PITPNB: variants seen among roughly 807,000 people sequenced by gnomAD.
PITPNB encodes the protein phosphatidylinositol transfer protein beta.
In PITPNB, 16 loss-of-function variants were observed where a neutral mutation model predicts 45.9. That is an observed-to-expected ratio of 0.35 (90% CI 0.24 to 0.53). The LOEUF is 0.53. Ranked by LOEUF, PITPNB falls within the 20% of genes least tolerant of loss-of-function variation. The pLI is 0.93. For missense variants in PITPNB, 188 were observed against 330.5 expected (o/e 0.57, Z 3.34); for synonymous variants, 112 against 108.9 (o/e 1.03, Z -0.18).
At chr22:27,875,150 A>G (rs973540294) in intron 7 of PITPNB, among the ~76,000 whole-genome samples, 1 of 152,258 alleles carries the variant, frequency 6.6e-6, no homozygotes, top group African/African-American at 2.4e-5. Flanking sequence ...AACTTTAAAG[A>G]AAGATAAGTC....
intron 7 of PITPNB, among the ~76,000 whole-genome samples, chr22:27,891,439 A>C (rs1935275875): frequency 6.6e-6 from 1 of 152,232 alleles, no homozygotes; most frequent in African/African-American, 2.4e-5. Context: ...ACTGGAGCTA[A>C]TAATAATGAT....
At chr22:27,854,599 T>G (rs1031201587) in intron 11 of PITPNB, among the ~76,000 whole-genome samples, 14 of 152,184 alleles carry the variant, frequency 9.2e-5, no homozygotes, top group Non-Finnish European at 1.3e-4. Flanking sequence ...ACATGATGAG[T>G]AACAGCACCT....
chr22:27,875,665 C>T (rs1934800804), intron 7 of PITPNB, among the ~76,000 whole-genome samples: 1 of 152,170 alleles, frequency 6.6e-6, no homozygotes, highest in South Asian at 2.1e-4. Flanking sequence ...AAGTATTTAA[C>T]ATTGTATCAA....
chr22:27,890,109 G>C (rs1433010117), intron 7 of PITPNB, among the ~76,000 whole-genome samples: 1 of 151,970 alleles, frequency 6.6e-6, no homozygotes, highest in African/African-American at 2.4e-5. Context: ...ATGTGCAGAA[G>C]AAAAGAGCAG....
rs551449843 is a variant in PITPNB, at chr22:27,873,873, G to T, written c.457-58C>A. ...GAAAACCAGAGAATATTCTTTAACCGTGCCAGAATAGCTCTTCGCAGCTAC... is the reference window on the plus strand; with the variant it reads ...GAAAACCAGAGAATATTCTTTAACCTTGCCAGAATAGCTCTTCGCAGCTAC... On this transcript the variant is annotated intron_variant, in intron 7 of 11. Transcript: ENST00000335272. The T allele has an allele frequency of 6.3e-6, 7 of 1,119,654 alleles. No individual in the cohort carries two copies. In the Admixed American group the frequency reaches 1.2e-4, roughly 19 times the overall value. The allele number at this position is 1,119,654 out of a possible 1,614,324, so 69.4% of individuals were successfully genotyped here. A position where few individuals can be genotyped will look rare whatever the true frequency, so the allele number is the denominator to read the frequency against.
rs140780320 is a variant in PITPNB at position 27,899,403 on chromosome 22, C to T, written c.198-1511G>A. On this transcript the variant is annotated intron_variant, in intron 3 of 11. Coordinates refer to ENST00000335272, the MANE Select transcript of PITPNB (RefSeq NM_012399.5). ...GCAGTGGCAGGATCTCGGCTCACTG[C>T]AAGCTCCACTTTGGGTTCACGCCAT... Among the ~76,000 whole-genome samples, 1,139 of 152,278 alleles carry T rather than the reference C, an allele frequency of 7.5e-3. 16 individuals carry two copies. The highest frequency in any genetic ancestry group is 0.026 in the African/African-American group (1,070 of 41,560).
At chr22:27,872,877 A>T (rs887920677) in intron 8 of PITPNB, among the ~76,000 whole-genome samples, 5 of 152,252 alleles carry the variant, frequency 3.3e-5, no homozygotes, top group African/African-American at 9.6e-5. Context: ...AGTTTAGTAG[A>T]TGTCTTTAAA....
rs531665093 is a variant in PITPNB at position 27,893,760 on chromosome 22, G to A, written c.456+795C>T. 3.6e-4 allele frequency among the ~76,000 whole-genome samples: 54 copies of A among 151,538 alleles called. 1 individual carries two copies. The South Asian group carries it at 1.0e-2, about 28-fold the overall frequency. On this transcript the variant is annotated intron_variant, in intron 7 of 11. Coordinates refer to ENST00000335272, the MANE Select transcript of PITPNB (RefSeq NM_012399.5). ...CACATGCCACCATGCCCAGCTAATC[G>A]TTTTTTTCTTTTTAGAGACAGGATC...
Position 27,901,016 on chromosome 22 carries a change from A to C in PITPNB, c.198-3124T>G, listed in dbSNP as rs548121974. On this transcript the variant is annotated intron_variant, in intron 3 of 11. Transcript: ENST00000335272. ...GGCCTTCAAAAACAAACATGCAAAA[A>C]AGACAATCCTTCAGTTGTCCTCCCA... 3.7e-3 allele frequency among the ~76,000 whole-genome samples: 566 copies of C among 152,298 alleles called. 4 individuals carry two copies. Among genetic ancestry groups the C allele is most frequent in the African/African-American group, 0.013 (524 of 41,568 alleles).
In PITPNB at chr22:27,897,820, C is replaced by T. The variant is rs573233849; in HGVS notation, c.270G>A (p.Ala90=). The T allele has an allele frequency of 1.4e-4, 221 of 1,612,282 alleles. 2 individuals carry two copies. The South Asian group carries it at 2.0e-3, about 14-fold the overall frequency. ...SLVFHEKAWN[A]YPYCRTIVTN... ...GCTTACTTGTTCTACAGTAGGGGTA[C>T]GCATTCCAGGCTTTCTCATGAAACA... The change falls in exon 4 of 12, where the codon GCG becomes GCA. Residue 90 remains alanine (A), a synonymous_variant. Coordinates refer to ENST00000335272, the MANE Select transcript of PITPNB (RefSeq NM_012399.5).
chr22:27,884,081 G>A (rs1369864291), intron 7 of PITPNB, among the ~76,000 whole-genome samples: 1 of 152,194 alleles, frequency 6.6e-6, no homozygotes, highest in Non-Finnish European at 1.5e-5. Context: ...GCTGGAAAGA[G>A]ATGTTGCAGA....
Position 27,912,071 on chromosome 22 carries a change from G to A in PITPNB, c.52-962C>T, listed in dbSNP as rs8136100. ...CTTCTAATGAAAACAGCTTGAAGAA[G>A]TGTATTTCTTCTTTATAAGCATATT... On this transcript the variant is annotated intron_variant, in intron 2 of 11. Transcript: ENST00000335272. 9.8e-3 allele frequency among the ~76,000 whole-genome samples: 1,496 copies of A among 152,270 alleles called. 21 individuals carry two copies. The highest frequency in any genetic ancestry group is 0.014 in the Middle Eastern group (4 of 292).
chr22:27,873,850 A>G (rs201334050), intron 7 of PITPNB, 35 bp from the exon 8 acceptor site: 1 of 1,379,244 alleles, frequency 7.3e-7, no homozygotes, highest in African/African-American at 1.4e-5. Flanking sequence ...GCAGAGAAGA[A>G]AACCAGAGAA....
At chr22:27,903,952 A>T (rs1266067642) in intron 3 of PITPNB, among the ~76,000 whole-genome samples, 1 of 152,188 alleles carries the variant, frequency 6.6e-6, no homozygotes, top group Non-Finnish European at 1.5e-5. Flanking sequence ...ACCACTTCAC[A>T]CACACTAGAA....
intron 8 of PITPNB, among the ~76,000 whole-genome samples, chr22:27,870,115 T>C (rs1934608624): frequency 6.6e-6 from 1 of 152,210 alleles, no homozygotes; most frequent in African/African-American, 2.4e-5. Flanking sequence ...TACACACTGC[T>C]GTAACTACCA....
At chr22:27,858,569 A>G in intron 9 of PITPNB, 60 bp from the exon 10 acceptor site, 1 of 1,366,738 alleles carries the variant, frequency 7.3e-7, no homozygotes, top group African/African-American at 1.4e-5. Context: ...TTAATGACAC[A>G]TTAACTTTAC....
chr22:27,887,027 G>A (rs1162032813), intron 7 of PITPNB, among the ~76,000 whole-genome samples: 1 of 152,090 alleles, frequency 6.6e-6, no homozygotes, highest in Non-Finnish European at 1.5e-5. Context: ...ACCTTCAGAA[G>A]GTCTTCCTAA....
chr22:27,856,642 A>G (rs1234959825), intron 10 of PITPNB, among the ~76,000 whole-genome samples: 1 of 152,198 alleles, frequency 6.6e-6, no homozygotes, highest in Non-Finnish European at 1.5e-5. Context: ...TTCAGCATAA[A>G]AATTAAAAAC....
In PITPNB at chr22:27,873,732, CAG is replaced by C; in HGVS notation, c.534+4_534+5del. 7 of 1,574,116 alleles carry C rather than the reference CAG, an allele frequency of 4.4e-6. No individual in the cohort carries two copies. Among genetic ancestry groups the C allele is most frequent in the Non-Finnish European group, 5.2e-6 (6 of 1,143,652 alleles). On this transcript the variant is annotated splice_donor_5th_base_variant and intron_variant, in intron 8 of 11. Coordinates refer to ENST00000335272, the MANE Select transcript of PITPNB (RefSeq NM_012399.5). ...TCTGCCTGTCAGAAAGGTCAGCATC[CAG>C]TACCTTCCAGTTGGGTCCCAAAGGG...
Sources: gnomAD v4.1 joint callset for allele counts (sites outside exome capture counted in the v4.1 genomes callset) on GRCh38, gnomAD v4.1.1 for gene constraint, MANE v1.5 for transcripts, NCBI Gene and HGNC (gene_info 2026-07-23, HGNC 2026-07-21) for gene names.